The following CRY2 variants were observed in gnomAD, a reference collection of about 807,000 sequenced individuals.
CRY2 encodes the protein cryptochrome circadian regulator 2, also known as cryptochrome-2.
A neutral mutation model predicts 69.5 loss-of-function variants in CRY2; 31 were observed. The ratio of observed to expected loss-of-function variants is 0.45; its 90% CI spans 0.34 to 0.60. The LOEUF is 0.60. Ranked by LOEUF, CRY2 falls within the 20% of genes least tolerant of loss-of-function variation. The probability of loss-of-function intolerance (pLI) is 0.02; values close to 1 mark genes in which losing one functional copy is unlikely to be tolerated. For missense variants in CRY2, 606 were observed against 797.8 expected (o/e 0.76, Z 2.90); for synonymous variants, 303 against 312.2 (o/e 0.97, Z 0.31).
intron 6 of CRY2, among the ~76,000 whole-genome samples, chr11:45,868,494 T>G (rs1042190515): frequency 2.0e-5 from 3 of 152,090 alleles, no homozygotes; most frequent in Admixed American, 1.3e-4. Context: ...ATTTTTTACA[T>G]TCTTTGTAGA....
intron 1 of CRY2, among the ~76,000 whole-genome samples, chr11:45,849,365 A>G (rs1355448047): frequency 3.3e-5 from 5 of 152,192 alleles, no homozygotes; most frequent in African/African-American, 9.7e-5. Flanking sequence ...TGATCACTTA[A>G]TAAGTGCCTA....
At position 45,870,488 on chromosome 11, in the gene CRY2, G is replaced by A. The variant is rs2086369476; in HGVS notation, c.1505G>A (p.Arg502Gln). The change falls in exon 9 of 12, where the codon CGA becomes CAA. Residue 502 changes from arginine to glutamine, a missense_variant. Transcript: ENST00000616080. ...HAETSRLNIE[R>Q]MKQIYQQLSR... ...GAGACCAGCCGGCTTAACATTGAAC[G>A]AATGAAGCAGATTTACCAGCAGCTT... The A allele has an allele frequency of 1.9e-6, 3 of 1,614,186 alleles. No individual in the cohort carries two copies. Among genetic ancestry groups the A allele is most frequent in the Non-Finnish European group, 2.5e-6 (3 of 1,180,032 alleles).
chr11:45,861,790 G>A, intron 4 of CRY2: 1 of 430,512 alleles, frequency 2.3e-6, no homozygotes. Context: ...AACCACAGTT[G>A]TTGCCAGCTA....
rs147028285 is a variant in CRY2, at chr11:45,882,320, AT to A, written c.*1411del. 92 of 277,902 alleles carry A rather than the reference AT, an allele frequency of 3.3e-4. No individual in the cohort carries two copies. Among genetic ancestry groups the A allele is most frequent in the Middle Eastern group, 3.1e-3 (3 of 982 alleles). 17.2% of individuals were successfully genotyped at this position (277,902 alleles called of 1,614,324 possible). The stretch of plus-strand genomic sequence containing the variant: ...GTGTGTGTGTGTGGCTATGAGGCTG[AT>A]TCCTGTTTGGATTTTTGTCCTCACG... On this transcript the variant is annotated 3_prime_UTR_variant, in exon 12 of 12. Transcript: ENST00000616080.
At chr11:45,876,833 A>G (rs183463509) in intron 11 of CRY2, among the ~76,000 whole-genome samples, 11 of 152,340 alleles carry the variant, frequency 7.2e-5, no homozygotes, top group African/African-American at 2.6e-4. Context: ...TAAATAGTGG[A>G]AGTGAAGGCA....
chr11:45,853,441 G>A (rs11038692), intron 1 of CRY2, among the ~76,000 whole-genome samples: 1 of 152,154 alleles, frequency 6.6e-6, no homozygotes, highest in African/African-American at 2.4e-5. Context: ...GAGATGCTAC[G>A]AGGAATCTCT....
rs535131739 is a variant in CRY2, at chr11:45,876,644, C to T, written c.*3-4270C>T. On this transcript the variant is annotated intron_variant, in intron 11 of 11. Coordinates refer to ENST00000616080, the MANE Select transcript of CRY2 (RefSeq NM_021117.5). ...AGCCCCACTGAATACAAAAGGTTCC[C>T]GGCCAAGGATCACCTCTTCCCCTCC... Among the ~76,000 whole-genome samples, 24 of 152,308 alleles carry T rather than the reference C, an allele frequency of 1.6e-4. No homozygotes were observed. The South Asian group carries it at 3.5e-3, about 22-fold the overall frequency.
intron 11 of CRY2, among the ~76,000 whole-genome samples, chr11:45,878,094 T>A (rs780828919): frequency 5.3e-5 from 8 of 152,336 alleles, no homozygotes; most frequent in Non-Finnish European, 8.8e-5. Context: ...TCTTATCTTC[T>A]AAGCTTAGGC....
At position 45,853,503 on chromosome 11, in the gene CRY2, A is replaced by G. The variant is rs551494654; in HGVS notation, c.216-2479A>G. The stretch of plus-strand genomic sequence containing the variant: ...AAAGTTCTATAGAAGGCAGATTGCT[A>G]CATGTTCTGGAACCTAGATTTCATG... On this transcript the variant is annotated intron_variant, in intron 1 of 11. Transcript: ENST00000616080. Among the ~76,000 whole-genome samples the G allele has an allele frequency of 3.3e-5, 5 of 152,198 alleles. No homozygotes were observed. In the East Asian group the frequency reaches 9.6e-4, roughly 29 times the overall value.
chr11:45,863,785 C>T (rs1188871873), intron 5 of CRY2, among the ~76,000 whole-genome samples: 2 of 151,844 alleles, frequency 1.3e-5, no homozygotes, highest in Non-Finnish European at 2.9e-5. Context: ...TGAGTCCGCT[C>T]CCAGAACTGG....
intron 11 of CRY2, among the ~76,000 whole-genome samples, chr11:45,878,814 GAGGCCAAGGC>G (rs1015620882): frequency 5.6e-5 from 8 of 141,910 alleles, no homozygotes; most frequent in Non-Finnish European, 1.1e-4. Context: ...AGCCACTTGG[GAGGCCAAGGC>G]AGGAGAATTG....
chr11:45,869,516 A>T lies in CRY2; in HGVS notation c.893A>T (p.Asn298Ile), dbSNP rs138671347. 42 of 1,610,004 alleles carry T rather than the reference A, an allele frequency of 2.6e-5. No individual in the cohort carries two copies. The highest frequency in any genetic ancestry group is 3.4e-5 in the Non-Finnish European group (40 of 1,177,482). ...ACCCCTACCTCTCAGGTGAAGCGGA[A>T]CAGCACACCTCCCCTCTCCCTATTT... The part of the protein sequence containing the change: ...LWDLYKKVKR[N>I]STPPLSLFGQ... Residue 298 changes from asparagine to isoleucine, a missense_variant, in exon 7 of 12, where the codon AAC (asparagine) becomes ATC (isoleucine). Asn to Ile is a moderately radical substitution (Grantham distance 149). Coordinates refer to ENST00000616080, the MANE Select transcript of CRY2 (RefSeq NM_021117.5).
intron 3 of CRY2, among the ~76,000 whole-genome samples, chr11:45,860,237 T>C (rs1435782654): frequency 6.6e-6 from 1 of 152,108 alleles, no homozygotes; most frequent in Non-Finnish European, 1.5e-5. Flanking sequence ...TAAGTATCAG[T>C]TGTGGCTATG....
rs558200117 is a variant in CRY2, at chr11:45,882,863, C to T, written c.*1952C>T. 7.6e-6 allele frequency: 3 copies of T among 396,998 alleles called. No homozygotes were observed. The highest frequency in any genetic ancestry group is 4.4e-5 in the Admixed American group (1 of 22,696). The allele number at this position is 396,998 out of a possible 1,614,324, so 24.6% of individuals were successfully genotyped here. The stretch of plus-strand genomic sequence containing the variant: ...TTTTCCTGCCTGTCTGCTGCTGGCT[C>T]TCTTCCCTAAGGTACAGGTTGGCAG... On this transcript the variant is annotated 3_prime_UTR_variant, in exon 12 of 12. Transcript: ENST00000616080.
intron 1 of CRY2, among the ~76,000 whole-genome samples, chr11:45,850,008 GTTT>G (rs68150323): frequency 7.0e-6 from 1 of 142,978 alleles, no homozygotes. Flanking sequence ...TTTGTTTTTT[GTTT>G]TTTTTTTTTT....
intron 11 of CRY2, among the ~76,000 whole-genome samples, chr11:45,872,586 CATAATA>C (rs542258455): frequency 7.3e-4 from 111 of 151,456 alleles, no homozygotes; most frequent in African/African-American, 2.2e-3. Context: ...TCTCTAAAAA[CATAATA>C]ATAATAATAA....
Position 45,847,581 on chromosome 11 carries a change from G to A in CRY2, c.91G>A (p.Gly31Arg). The change falls in exon 1 of 12, where the codon GGG (glycine) becomes AGG (arginine). Residue 31 changes from glycine (G) to arginine (R), a missense_variant. By Grantham distance (125) the Gly-to-Arg change is moderately radical. This residue lies in a region of CRY2 where 3 missense variants were observed against 18.8 expected (regional missense o/e 0.16). Coordinates refer to ENST00000616080, the MANE Select transcript of CRY2 (RefSeq NM_021117.5). ...CTCTTCGGTGCACTGGTTCCGCAAAGGGCTGCGACTCCACGACAACCCGGC... is the reference window on the plus strand; with the variant it reads ...CTCTTCGGTGCACTGGTTCCGCAAAAGGCTGCGACTCCACGACAACCCGGC... ...SASSVHWFRKGLRLHDNPALL... is the reference protein window; with the variant it reads ...SASSVHWFRKRLRLHDNPALL... 6.2e-7 allele frequency: 1 copy of A among 1,602,838 alleles called. No individual in the cohort carries two copies. The highest frequency in any genetic ancestry group is 8.5e-7 in the Non-Finnish European group (1 of 1,176,390).
intron 11 of CRY2, among the ~76,000 whole-genome samples, 165 bp from the exon 12 acceptor site, chr11:45,880,749 C>T (rs1469123604): frequency 6.6e-6 from 1 of 152,212 alleles, no homozygotes. Context: ...AGTGGCATCC[C>T]AGCAACAACC....
intron 3 of CRY2, among the ~76,000 whole-genome samples, chr11:45,859,780 C>T (rs2086272068): frequency 6.6e-6 from 1 of 152,110 alleles, no homozygotes; most frequent in Non-Finnish European, 1.5e-5. Flanking sequence ...CCTGCTGCTG[C>T]TGCTGCTGTT....
Sources: gnomAD v4.1 joint callset for allele counts (sites outside exome capture counted in the v4.1 genomes callset) on GRCh38, gnomAD v4.1.1 for gene constraint, gnomAD v4.1.1 regional missense constraint, MANE v1.5 for transcripts, NCBI Gene and HGNC (gene_info 2026-07-23, HGNC 2026-07-21) for gene names.